Variants in SORCS1 observed in about 807,000 individuals in gnomAD.
SORCS1 encodes the protein VPS10 domain-containing receptor SorCS1.
SORCS1 carries 60 observed loss-of-function variants against 146.1 expected under a neutral mutation model. The ratio of observed to expected loss-of-function variants is 0.41; its 90% CI spans 0.33 to 0.51. SORCS1 has a LOEUF of 0.51. Ranked by LOEUF, SORCS1 falls within the 20% of genes least tolerant of loss-of-function variation. The pLI is 0.21. For missense variants in SORCS1, 1,352 were observed against 1,487.6 expected (o/e 0.91, Z 1.50); for synonymous variants, 637 against 584.0 (o/e 1.09, Z -1.31).
intron 1 of SORCS1, among the ~76,000 whole-genome samples, chr10:107,010,867 G>C (rs1417255433): frequency 6.6e-6 from 1 of 152,124 alleles, no homozygotes; most frequent in Non-Finnish European, 1.5e-5. Flanking sequence ...GATAATTTCA[G>C]TTTCTCTCAC....
chr10:106,991,917 C>A (rs778479785), intron 1 of SORCS1, among the ~76,000 whole-genome samples: 1 of 152,150 alleles, frequency 6.6e-6, no homozygotes, highest in African/African-American at 2.4e-5. Context: ...TGATTCTGAG[C>A]GTAAAAGTAA....
chr10:106,823,007 TC>T (rs1378364929), intron 3 of SORCS1, among the ~76,000 whole-genome samples: 7 of 152,200 alleles, frequency 4.6e-5, no homozygotes, highest in African/African-American at 1.4e-4. Context: ...GGTCTCAAAC[TC>T]CCGACCTCAG....
intron 1 of SORCS1, among the ~76,000 whole-genome samples, chr10:107,116,610 T>G (rs1423821386): frequency 6.6e-6 from 1 of 152,096 alleles, no homozygotes; most frequent in African/African-American, 2.4e-5. Context: ...ATATGTAGAA[T>G]CACACTCATA....
chr10:106,762,380 A>ATTC (rs1554925481), intron 4 of SORCS1, among the ~76,000 whole-genome samples: 5 of 99,400 alleles, frequency 5.0e-5, no homozygotes, highest in Non-Finnish European at 8.5e-5. Context: ...AGTCTTTTTT[A>ATTC]TTATTCTTTT....
intron 1 of SORCS1, among the ~76,000 whole-genome samples, chr10:107,135,607 T>C (rs1266330292): frequency 1.3e-5 from 2 of 152,224 alleles, no homozygotes; most frequent in African/African-American, 2.4e-5. Context: ...TGATATAGAA[T>C]ATACATTGGA....
At chr10:107,117,390 G>A (rs1469609575) in intron 1 of SORCS1, among the ~76,000 whole-genome samples, 1 of 152,054 alleles carries the variant, frequency 6.6e-6, no homozygotes, top group African/African-American at 2.4e-5. Context: ...CATCAGGACT[G>A]CTTTCTCAGG....
intron 1 of SORCS1, among the ~76,000 whole-genome samples, chr10:106,965,822 C>T (rs1955468071): frequency 1.3e-5 from 2 of 152,198 alleles, no homozygotes; most frequent in Non-Finnish European, 2.9e-5. Context: ...AGCCCTGTTA[C>T]CTGTCAGACA....
chr10:106,730,224 C>A, intron 5 of SORCS1, 110 bp from the exon 6 acceptor site: 1 of 921,214 alleles, frequency 1.1e-6, no homozygotes, highest in Non-Finnish European at 1.7e-6. Context: ...GCATCTAAAC[C>A]CACAATCCTT....
chr10:106,844,006 C>T (rs1488810655), intron 2 of SORCS1, among the ~76,000 whole-genome samples: 1 of 152,190 alleles, frequency 6.6e-6, no homozygotes, highest in Non-Finnish European at 1.5e-5. Context: ...TATTTACACT[C>T]CCACCACAAG....
rs1185999177 is a variant in SORCS1 at position 106,920,654 on chromosome 10, G to A, written c.626+35859C>T. Among the ~76,000 whole-genome samples the A allele has an allele frequency of 2.0e-5, 3 of 152,170 alleles. No homozygotes were observed. In the East Asian group the frequency reaches 5.8e-4, roughly 29 times the overall value. ...GACTCAACTTGCCGCCTTGCTCCAG[G>A]AAAGCAAGAGAGAAAAGCGTGTAGG... On this transcript the variant is annotated intron_variant, in intron 2 of 25. Coordinates refer to ENST00000263054, the MANE Select transcript of SORCS1 (RefSeq NM_052918.5).
intron 2 of SORCS1, among the ~76,000 whole-genome samples, chr10:106,832,612 GT>G (rs1432379141): frequency 6.6e-6 from 1 of 151,926 alleles, no homozygotes; most frequent in Non-Finnish European, 1.5e-5. Context: ...TTATTGTACA[GT>G]TTTTTCTATT....
chr10:106,672,516 A>G (rs1851683769), intron 15 of SORCS1, among the ~76,000 whole-genome samples: 3 of 152,302 alleles, frequency 2.0e-5, no homozygotes, highest in Admixed American at 2.0e-4. Context: ...GCTAGATAAA[A>G]TTGAAGATAT....
intron 1 of SORCS1, among the ~76,000 whole-genome samples, chr10:107,101,263 T>C (rs2134381620): frequency 6.6e-6 from 1 of 152,332 alleles, no homozygotes; most frequent in Non-Finnish European, 1.5e-5. Context: ...CAGGCTGCTC[T>C]TGAACTCCTG....
intron 1 of SORCS1, among the ~76,000 whole-genome samples, chr10:106,969,135 C>T (rs538806596): frequency 6.6e-5 from 10 of 152,298 alleles, no homozygotes; most frequent in Middle Eastern, 6.8e-3. Context: ...AAAAATCCCA[C>T]GGAGGTTAAG....
At chr10:106,989,098 A>G (rs1432339366) in intron 1 of SORCS1, among the ~76,000 whole-genome samples, 8 of 146,508 alleles carry the variant, frequency 5.5e-5, no homozygotes, top group Non-Finnish European at 8.9e-5. Flanking sequence ...GCCTCTACTA[A>G]AAATACAAAA....
rs1264833555 is a variant in SORCS1 at position 107,164,266 on chromosome 10, T to C, written c.261A>G (p.Leu87=). 5 of 1,603,324 alleles carry C rather than the reference T, an allele frequency of 3.1e-6. No individual in the cohort carries two copies. The African/African-American group carries it at 4.0e-5, about 13-fold the overall frequency. Reference sequence around the variant, plus strand: ...CAGTGCCCCGAGCCCGCTCCAGGGATAGCGCTCGGTCCCCGGGGGCCACTG... The same window carrying C: ...CAGTGCCCCGAGCCCGCTCCAGGGACAGCGCTCGGTCCCCGGGGGCCACTG... ...LFSVAPGDRA[L]SLERARGTGA... is the part of the protein sequence containing the mutation. The change falls in exon 1 of 26, where the codon CTA becomes CTG. Residue 87 remains leucine, a synonymous_variant. Coordinates refer to ENST00000263054, the MANE Select transcript of SORCS1 (RefSeq NM_052918.5). The surrounding 1 kb of genome is among the most constrained non-coding windows in gnomAD (Gnocchi z 6.8).
chr10:107,156,464 T>A (rs1004319944), intron 1 of SORCS1, among the ~76,000 whole-genome samples: 2 of 152,206 alleles, frequency 1.3e-5, no homozygotes, highest in African/African-American at 4.8e-5. Flanking sequence ...AGCTGTTCAC[T>A]AAATTGGTGG....
At chr10:106,647,246 G>T (rs1849517820) in intron 18 of SORCS1, among the ~76,000 whole-genome samples, 1 of 151,788 alleles carries the variant, frequency 6.6e-6, no homozygotes, top group African/African-American at 2.4e-5. Context: ...TCCAATCCAT[G>T]ATCAGGATGC....
chr10:107,164,569 G>C lies in SORCS1; in HGVS notation c.-43C>G. The C allele has an allele frequency of 1.5e-6, 2 of 1,314,422 alleles. No homozygotes were observed. The highest frequency in any genetic ancestry group is 1.9e-6 in the Non-Finnish European group (2 of 1,035,066). 81.4% of individuals were successfully genotyped at this position (1,314,422 alleles called of 1,614,324 possible). A position where few individuals can be genotyped will look rare whatever the true frequency, so the allele number is the denominator to read the frequency against. ...GCGGAGAGAGGGGTCCCAGAACGAA[G>C]GTGGCGGCACGAGCTCTGCGCTGGC... On this transcript the variant is annotated 5_prime_UTR_variant, in exon 1 of 26. Coordinates refer to ENST00000263054, the MANE Select transcript of SORCS1 (RefSeq NM_052918.5). This position sits in a 1 kb window ranked among gnomAD's most constrained non-coding sequence, Gnocchi z 6.8.
Sources: allele counts gnomAD v4.1 joint callset (sites outside exome capture counted in the v4.1 genomes callset), GRCh38; gene constraint gnomAD v4.1.1; non-coding constraint Gnocchi (gnomAD v3.1); transcripts MANE v1.5; gene names NCBI Gene and HGNC (gene_info 2026-07-23, HGNC 2026-07-21).